ZNF85: variants seen among roughly 807,000 people sequenced by gnomAD.
The protein encoded by ZNF85 is zinc finger protein 85 (HPF4, HTF1).
Under a neutral mutation model 53.9 loss-of-function variants are expected in ZNF85, and 50 were observed. That is an observed-to-expected ratio of 0.93 (90% CI 0.74 to 1.17). The LOEUF is 1.17. Among genes scored for constraint, ZNF85 ranks in the 50% most tolerant of loss-of-function variants. The probability of loss-of-function intolerance (pLI) is 0.00; values close to 1 mark genes in which losing one functional copy is unlikely to be tolerated. For missense variants in ZNF85, 747 were observed against 688.5 expected, an observed-to-expected ratio of 1.08 and a Z score of -0.95; for synonymous variants, 225 against 226.1, an observed-to-expected ratio of 1.00 and a Z score of 0.04.
chr19:20,944,661 A>G (rs2144662003), intron 3 of ZNF85, among the ~76,000 whole-genome samples: 1 of 151,564 alleles, frequency 6.6e-6, no homozygotes, highest in African/African-American at 2.4e-5. Context: ...TTTTTCATGA[A>G]TATATTGTTC....
At chr19:20,929,193 T>A (rs1972950491) in intron 1 of ZNF85, among the ~76,000 whole-genome samples, 1 of 151,690 alleles carries the variant, frequency 6.6e-6, no homozygotes, top group Non-Finnish European at 1.5e-5. Flanking sequence ...CTCTTCTTTT[T>A]TTTTTTTTTG....
chr19:20,930,987 CT>C (rs1267502787), intron 1 of ZNF85, among the ~76,000 whole-genome samples: 1 of 152,176 alleles, frequency 6.6e-6, no homozygotes, highest in African/African-American at 2.4e-5. Context: ...GTTGGTCAGG[CT>C]GGTCTCAAAC....
intron 3 of ZNF85, among the ~76,000 whole-genome samples, chr19:20,938,054 G>C (rs1341897610): frequency 1.3e-5 from 2 of 152,110 alleles, no homozygotes; most frequent in African/African-American, 4.8e-5. Flanking sequence ...ATGGGGTCTT[G>C]CTTCAGAACC....
chr19:20,928,292 T>G (rs531754242), intron 1 of ZNF85: 1 of 152,318 alleles, frequency 6.6e-6, no homozygotes, highest in Admixed American at 6.5e-5. Context: ...GCTGGAGAAT[T>G]GCTTTGTGTT....
At chr19:20,933,993 G>GTA (rs2144623155) in intron 1 of ZNF85, 31 bp from the exon 2 acceptor site, 2 of 1,307,734 alleles carry the variant, frequency 1.5e-6, no homozygotes, top group Admixed American at 1.9e-5. Flanking sequence ...GTGTGTGTGT[G>GTA]TGTGTATGTG....
chr19:20,923,543 G>A lies in ZNF85; in HGVS notation c.3+140G>A, dbSNP rs1368561538. ...GTTCTTTTTGCCCAGCTCGGCCCCAGTTCCTCCAGCCATAAGATGGCGGCT... is the reference window on the plus strand; with the variant it reads ...GTTCTTTTTGCCCAGCTCGGCCCCAATTCCTCCAGCCATAAGATGGCGGCT... On this transcript the variant is annotated intron_variant, in intron 1 of 3. Transcript: ENST00000328178. The A allele has an allele frequency of 1.1e-5, 15 of 1,417,232 alleles. No homozygotes were observed. The East Asian group carries it at 2.5e-4, about 24-fold the overall frequency. The allele number at this position is 1,417,232 out of a possible 1,614,324, so 87.8% of individuals were successfully genotyped here. A position where few individuals can be genotyped will look rare whatever the true frequency, so the allele number is the denominator to read the frequency against.
rs1409276029 is a variant in ZNF85, at chr19:20,950,441, A to C, written c.*139A>C. Reference sequence around the variant, plus strand: ...ACTTATAAAAGTAATCATACTGGTGAGAAATTCTAAAAATGTGAAGACTAT... The same window carrying C: ...ACTTATAAAAGTAATCATACTGGTGCGAAATTCTAAAAATGTGAAGACTAT... On this transcript the variant is annotated 3_prime_UTR_variant, in exon 4 of 4. Coordinates refer to ENST00000328178, the MANE Select transcript of ZNF85 (RefSeq NM_003429.5). 1 of 595,028 alleles carries C rather than the reference A, an allele frequency of 1.7e-6. No homozygotes were observed. The allele number at this position is 595,028 out of a possible 1,614,324, so 36.9% of individuals were successfully genotyped here.
chr19:20,941,810 A>G, intron 3 of ZNF85, among the ~76,000 whole-genome samples: 1 of 8,080 alleles, frequency 1.2e-4, no homozygotes, highest in East Asian at 3.0e-3. Flanking sequence ...TAATGCAGTT[A>G]AATTTTACTG....
chr19:20,931,362 G>A (rs1973013200), intron 1 of ZNF85, among the ~76,000 whole-genome samples: 1 of 152,138 alleles, frequency 6.6e-6, no homozygotes, highest in South Asian at 2.1e-4. Context: ...AGGATTCCAT[G>A]GCCAATTTGC....
intron 1 of ZNF85, among the ~76,000 whole-genome samples, chr19:20,924,085 CAAAA>C (rs35334102): frequency 2.1e-5 from 2 of 96,446 alleles, no homozygotes; most frequent in Admixed American, 1.1e-4. Flanking sequence ...AACTCCGTCT[CAAAA>C]AAAAAAAAAA....
At chr19:20,935,958 A>G (rs572542588) in intron 3 of ZNF85, among the ~76,000 whole-genome samples, 18 of 152,274 alleles carry the variant, frequency 1.2e-4, no homozygotes, top group African/African-American at 4.1e-4. Context: ...ATATTTTAAA[A>G]TTTATTTGTG....
intron 1 of ZNF85, among the ~76,000 whole-genome samples, chr19:20,929,381 G>A (rs1212351350): frequency 6.6e-6 from 1 of 151,930 alleles, no homozygotes; most frequent in African/African-American, 2.4e-5. Flanking sequence ...TAGAGACAGG[G>A]CTTCACCATC....
intron 1 of ZNF85, among the ~76,000 whole-genome samples, chr19:20,926,169 A>G (rs924321430): frequency 6.6e-6 from 1 of 152,192 alleles, no homozygotes; most frequent in African/African-American, 2.4e-5. Flanking sequence ...AATGTGGTAT[A>G]TAATTGGTGA....
intron 3 of ZNF85, chr19:20,937,423 G>C (rs1340425253): frequency 4.4e-6 from 2 of 451,476 alleles, no homozygotes; most frequent in East Asian, 1.4e-4. Flanking sequence ...TAGTGCAGAG[G>C]AATTGTAGCT....
chr19:20,932,088 C>G (rs946479642), intron 1 of ZNF85, among the ~76,000 whole-genome samples: 1 of 152,128 alleles, frequency 6.6e-6, no homozygotes, highest in African/African-American at 2.4e-5. Flanking sequence ...ATCCTTCTGC[C>G]TGTGGGTCTG....
At chr19:20,935,461 GT>G (rs1568549070) in intron 3 of ZNF85, among the ~76,000 whole-genome samples, 1 of 151,994 alleles carries the variant, frequency 6.6e-6, no homozygotes, top group Non-Finnish European at 1.5e-5. Context: ...TCCATTGGGG[GT>G]TTTTTTGTTT....
At position 20,934,143 on chromosome 19, in the gene ZNF85, C is replaced by G. The variant is rs750351938; in HGVS notation, c.123C>G (p.Val41=). ...TGTTAGAGAACTACAGAAACCTGGT[C>G]TTCCTGGGTGAGGATAACTTCAATA... ...NVMLENYRNL[V]FLGITVSKPD... The change falls in exon 2 of 4, where the codon GTC becomes GTG. Residue 41 remains valine, a synonymous_variant. Transcript: ENST00000328178. 1.2e-6 allele frequency: 2 copies of G among 1,611,828 alleles called. No homozygotes were observed. Among genetic ancestry groups the G allele is most frequent in the Non-Finnish European group, 1.7e-6 (2 of 1,178,810 alleles).
At chr19:20,931,330 T>C (rs1454950179) in intron 1 of ZNF85, among the ~76,000 whole-genome samples, 1 of 152,226 alleles carries the variant, frequency 6.6e-6, no homozygotes, top group African/African-American at 2.4e-5. Context: ...AGCTAAGTGG[T>C]TATCAGCCCA....
At chr19:20,924,574 T>A (rs952556689) in intron 1 of ZNF85, among the ~76,000 whole-genome samples, 1 of 152,204 alleles carries the variant, frequency 6.6e-6, no homozygotes, top group African/African-American at 2.4e-5. Context: ...TTCTTCCAGA[T>A]TAACTCTGAT....
Sources: gnomAD v4.1 joint callset for allele counts (sites outside exome capture counted in the v4.1 genomes callset) on GRCh38, gnomAD v4.1.1 for gene constraint, MANE v1.5 for transcripts, NCBI Gene and HGNC (gene_info 2026-07-23, HGNC 2026-07-21) for gene names.